The following MYO6 variants were observed in gnomAD, a reference collection of about 807,000 sequenced individuals.
MYO6 encodes the protein unconventional myosin-VI.
MYO6 carries 74 observed loss-of-function variants against 178.7 expected under a neutral mutation model. The ratio of observed to expected loss-of-function variants is 0.41; its 90% CI spans 0.34 to 0.50. The LOEUF (loss-of-function observed/expected upper bound fraction) is 0.50, where lower values mean the gene tolerates loss of function less well. Ranked by LOEUF, MYO6 falls within the 20% of genes least tolerant of loss-of-function variation. The pLI, the probability that MYO6 is intolerant of heterozygous loss-of-function variation, is 0.09. For synonymous variants in MYO6, 477 were observed against 504.6 expected, an observed-to-expected ratio of 0.95 and a Z score of 0.73; for missense variants, 1,330 against 1,547.4, an observed-to-expected ratio of 0.86 and a Z score of 2.36.
intron 10 of MYO6, among the ~76,000 whole-genome samples, chr6:75,847,879 ATATT>A (rs906677403): frequency 3.3e-5 from 5 of 151,958 alleles, no homozygotes; most frequent in African/African-American, 1.2e-4. Flanking sequence ...AGAATAATGT[ATATT>A]TATACAGTAC....
intron 1 of MYO6, among the ~76,000 whole-genome samples, chr6:75,751,165 G>A (rs1193932622): frequency 1.3e-5 from 2 of 152,202 alleles, no homozygotes; most frequent in African/African-American, 4.8e-5. Context: ...GTTCAAAATA[G>A]CTCACAGACT....
At chr6:75,879,792 AGTGCTTT>A in intron 20 of MYO6, 21 bp from the exon 21 acceptor site, 14 of 1,614,146 alleles carry the variant, frequency 8.7e-6, no homozygotes, top group Non-Finnish European at 1.2e-5. Flanking sequence ...AGTGATTGAC[AGTGCTTT>A]GTGCTTGTTC....
At chr6:75,876,046 C>G (rs1777543321) in intron 20 of MYO6, among the ~76,000 whole-genome samples, 1 of 152,070 alleles carries the variant, frequency 6.6e-6, no homozygotes. Context: ...CTAAATGCTG[C>G]ATATTTCCTC....
chr6:75,914,041 C>G (rs752411893), intron 33 of MYO6, 22 bp from the exon 34 acceptor site: 10 of 1,611,516 alleles, frequency 6.2e-6, no homozygotes, highest in East Asian at 2.2e-5. Context: ...GCTGGTATAA[C>G]TTTCCTTGTT....
At chr6:75,854,954 CTGTTGA>C (rs1775608278) in intron 11 of MYO6, among the ~76,000 whole-genome samples, 179 bp from the exon 12 acceptor site, 3 of 152,122 alleles carry the variant, frequency 2.0e-5, no homozygotes, top group Non-Finnish European at 4.4e-5. Flanking sequence ...GGAGGATCTT[CTGTTGA>C]TCTTAGCAGT....
chr6:75,869,847 C>T (rs1169642110), intron 18 of MYO6, among the ~76,000 whole-genome samples: 1 of 152,122 alleles, frequency 6.6e-6, no homozygotes, highest in Non-Finnish European at 1.5e-5. Context: ...GGTGCGGTGG[C>T]TCATGCCTGT....
chr6:75,804,992 TACACACACAC>T (rs1277901885), intron 1 of MYO6, among the ~76,000 whole-genome samples: 1 of 118,860 alleles, frequency 8.4e-6, no homozygotes, highest in Admixed American at 9.5e-5. Context: ...CATATATATA[TACACACACAC>T]ATATATATAT....
chr6:75,789,058 A>G lies in MYO6; in HGVS notation c.-47-28443A>G, dbSNP rs541813945. 2.6e-5 allele frequency among the ~76,000 whole-genome samples: 4 copies of G among 152,342 alleles called. No homozygotes were observed. The East Asian group carries it at 5.8e-4, about 22-fold the overall frequency. On this transcript the variant is annotated intron_variant, in intron 1 of 34. Transcript: ENST00000369977. The stretch of plus-strand genomic sequence containing the variant: ...TAGGTTTTACTGATGAAATGAAGGA[A>G]GATGCTGAGAGGTCTCTAGACTCAC...
At chr6:75,763,272 C>T (rs1381729417) in intron 1 of MYO6, among the ~76,000 whole-genome samples, 1 of 152,192 alleles carries the variant, frequency 6.6e-6, no homozygotes, top group Non-Finnish European at 1.5e-5. Flanking sequence ...GATCCACCCA[C>T]CTTGGCCTCC....
Position 75,857,188 on chromosome 6 carries a change from G to A in MYO6, c.1315G>A (p.Val439Ile), listed in dbSNP as rs1480758503. The A allele has an allele frequency of 1.2e-6, 2 of 1,613,860 alleles. No homozygotes were observed. The highest frequency in any genetic ancestry group is 1.7e-5 in the Admixed American group (1 of 60,000). ...TCTTTTTGATCATGTGGTAAACAGA[G>A]TAAATCAGTGTTTTCCTTTTGAAAC... Reference protein sequence around the residue: ...SHLFDHVVNRVNQCFPFETSS... With the variant: ...SHLFDHVVNRINQCFPFETSS... The change falls in exon 13 of 35, where the codon GTA becomes ATA. Residue 439 changes from valine to isoleucine, a missense_variant. Transcript: ENST00000369977.
At chr6:75,857,275 G>A (rs1775799580) in intron 13 of MYO6, 21 bp downstream of exon 13, 1 of 1,605,456 alleles carries the variant, frequency 6.2e-7, no homozygotes, top group Admixed American at 1.7e-5. Context: ...TTTCTTTTGT[G>A]AGTATATATT....
chr6:75,841,372 T>C lies in MYO6; in HGVS notation c.810T>C (p.Asn270=). ...REKLHLSSPD[N]FRYLNRGCTR... ...AACTTCATTTGAGTTCACCAGATAATTTTCGGGTAGGTCAGAAGAAAAGAA... is the reference window on the plus strand; with the variant it reads ...AACTTCATTTGAGTTCACCAGATAACTTTCGGGTAGGTCAGAAGAAAAGAA... The change falls in exon 9 of 35, where the codon AAT becomes AAC. Residue 270 remains asparagine, a synonymous_variant. Transcript: ENST00000369977. The C allele has an allele frequency of 1.2e-6, 2 of 1,613,520 alleles. No homozygotes were observed. The highest frequency in any genetic ancestry group is 1.7e-6 in the Non-Finnish European group (2 of 1,179,930).
chr6:75,786,796 CT>C (rs1767609164), intron 1 of MYO6, among the ~76,000 whole-genome samples: 1 of 152,068 alleles, frequency 6.6e-6, no homozygotes. Context: ...TTTTTCTGAA[CT>C]TTTTGACTGT....
chr6:75,761,007 C>T (rs1482775646), intron 1 of MYO6, among the ~76,000 whole-genome samples: 1 of 151,966 alleles, frequency 6.6e-6, no homozygotes, highest in East Asian at 1.9e-4. Flanking sequence ...GCATGATTTG[C>T]TGTCTGTTAT....
chr6:75,852,746 C>T (rs532654718), intron 11 of MYO6, among the ~76,000 whole-genome samples: 2 of 152,214 alleles, frequency 1.3e-5, no homozygotes, highest in East Asian at 1.9e-4. Context: ...ATCCATTTGT[C>T]AGTTTCTAGA....
chr6:75,850,994 A>G (rs1374541136), intron 11 of MYO6, among the ~76,000 whole-genome samples: 1 of 152,170 alleles, frequency 6.6e-6, no homozygotes, highest in African/African-American at 2.4e-5. Context: ...TGAAAATGTA[A>G]TGAATGTTAG....
At chr6:75,760,750 C>CTT (rs879815888) in intron 1 of MYO6, among the ~76,000 whole-genome samples, 1 of 140,944 alleles carries the variant, frequency 7.1e-6, no homozygotes, top group Admixed American at 7.1e-5. Context: ...TGTAAGTAGG[C>CTT]TTTTTTTTTT....
chr6:75,815,565 A>G (rs1033639591), intron 1 of MYO6, among the ~76,000 whole-genome samples: 8 of 152,212 alleles, frequency 5.3e-5, no homozygotes, highest in Admixed American at 2.6e-4. Flanking sequence ...AAGTAGTGGT[A>G]TTGATTCACT....
intron 3 of MYO6, 36 bp downstream of exon 3, chr6:75,822,887 A>G (rs1562209044): frequency 4.0e-6 from 6 of 1,487,280 alleles, no homozygotes; most frequent in Non-Finnish European, 5.6e-6. Context: ...CTCCGCACAG[A>G]AAAGGAGACT....
Sources: allele counts gnomAD v4.1 joint callset (sites outside exome capture counted in the v4.1 genomes callset), GRCh38; gene constraint gnomAD v4.1.1; transcripts MANE v1.5; gene names NCBI Gene and HGNC (gene_info 2026-07-23, HGNC 2026-07-21).